ADAM17: variants seen among roughly 807,000 people sequenced by gnomAD.
The protein encoded by ADAM17 is ADAM metallopeptidase domain 17, also known as disintegrin and metalloproteinase domain-containing protein 17.
In ADAM17, 39 loss-of-function variants were observed where a neutral mutation model predicts 96.7. That is an observed-to-expected ratio of 0.40 (90% CI 0.31 to 0.53). The LOEUF is 0.53. Among genes scored for constraint, ADAM17 ranks in the 20% least tolerant of loss-of-function variants. The pLI, the probability that ADAM17 is intolerant of heterozygous loss-of-function variation, is 0.44. For synonymous variants in ADAM17, 344 were observed against 359.2 expected, an observed-to-expected ratio of 0.96 and a Z score of 0.48; for missense variants, 777 against 1,013.2, an observed-to-expected ratio of 0.77 and a Z score of 3.17.
chr2:9,490,005 AAGG>A lies in ADAM17; in HGVS notation c.*169_*171del, dbSNP rs1661981812. 1 of 582,188 alleles carries A rather than the reference AAGG, an allele frequency of 1.7e-6. No individual in the cohort carries two copies. Among genetic ancestry groups the A allele is most frequent in the Non-Finnish European group, 2.9e-6 (1 of 347,022 alleles). 36.1% of individuals were successfully genotyped at this position (582,188 alleles called of 1,614,324 possible). A position where few individuals can be genotyped will look rare whatever the true frequency, so the allele number is the denominator to read the frequency against. On this transcript the variant is annotated 3_prime_UTR_variant, in exon 19 of 19. Coordinates refer to ENST00000310823, the MANE Select transcript of ADAM17 (RefSeq NM_003183.6). ...ATTCACCTTCACCTTACCTTTTCAA[AAGG>A]AGAAGGGCCAAACCACACAAGAACT...
chr2:9,543,003 A>G, intron 2 of ADAM17, 150 bp downstream of exon 2: 1 of 1,048,608 alleles, frequency 9.5e-7, no homozygotes, highest in Non-Finnish European at 1.3e-6. Context: ...CAGCCCCAGT[A>G]TGAATTTTAG....
chr2:9,524,030 C>T (rs1481451079), intron 6 of ADAM17, among the ~76,000 whole-genome samples: 4 of 150,362 alleles, frequency 2.7e-5, no homozygotes, highest in Admixed American at 1.3e-4. Flanking sequence ...CACACACCAC[C>T]ATGCCGGGCT....
intron 10 of ADAM17, 132 bp downstream of exon 10, chr2:9,517,769 A>G (rs1321778321): frequency 5.1e-6 from 3 of 587,344 alleles, no homozygotes; most frequent in African/African-American, 1.9e-5. Context: ...AAAAATACAT[A>G]AATTTTATTT....
intron 12 of ADAM17, among the ~76,000 whole-genome samples, chr2:9,504,577 C>T (rs578187827): frequency 6.6e-6 from 1 of 152,076 alleles, no homozygotes; most frequent in East Asian, 1.9e-4. Flanking sequence ...CCATCCTGGC[C>T]ACCGTAGTGA....
chr2:9,545,915 G>A (rs909762081), intron 1 of ADAM17, among the ~76,000 whole-genome samples: 7 of 152,018 alleles, frequency 4.6e-5, no homozygotes, highest in African/African-American at 1.7e-4. Context: ...GCAAAATAGT[G>A]AGACCCTCAT....
intron 7 of ADAM17, 120 bp from the exon 8 acceptor site, chr2:9,521,436 C>T (rs1664304874): frequency 3.1e-6 from 2 of 654,200 alleles, no homozygotes; most frequent in African/African-American, 1.9e-5. Flanking sequence ...ATTTTAAAAC[C>T]AAAATTCATA....
intron 17 of ADAM17, among the ~76,000 whole-genome samples, chr2:9,491,575 C>T (rs930064644): frequency 7.2e-6 from 1 of 139,136 alleles, no homozygotes; most frequent in Non-Finnish European, 1.6e-5. Context: ...TTCGCACTGC[C>T]CCGGCCCATG....
intron 4 of ADAM17, among the ~76,000 whole-genome samples, chr2:9,530,477 T>C (rs1664696211): frequency 6.6e-6 from 1 of 152,246 alleles, no homozygotes; most frequent in African/African-American, 2.4e-5. Flanking sequence ...TCTAGTTTTA[T>C]ATTAACATTT....
At chr2:9,549,394 T>C (rs1665514403) in intron 1 of ADAM17, among the ~76,000 whole-genome samples, 1 of 152,030 alleles carries the variant, frequency 6.6e-6, no homozygotes, top group African/African-American at 2.4e-5. Flanking sequence ...CAAACAAAAA[T>C]TATGTATATA....
chr2:9,503,448 C>T (rs2124994558), intron 12 of ADAM17, among the ~76,000 whole-genome samples: 1 of 152,344 alleles, frequency 6.6e-6, no homozygotes, highest in Non-Finnish European at 1.5e-5. Flanking sequence ...CCAAGACTGT[C>T]ATTTTGATTG....
At chr2:9,528,289 C>A (rs1354092194) in intron 4 of ADAM17, among the ~76,000 whole-genome samples, 2 of 152,190 alleles carry the variant, frequency 1.3e-5, no homozygotes, top group African/African-American at 4.8e-5. Context: ...GTAATATCTA[C>A]TGTACACTGG....
chr2:9,548,482 TAA>T (rs754054511), intron 1 of ADAM17, among the ~76,000 whole-genome samples: 30 of 138,540 alleles, frequency 2.2e-4, no homozygotes, highest in Admixed American at 2.2e-4. Context: ...TCACTGTGAT[TAA>T]AAAAAAAAAA....
intron 12 of ADAM17, among the ~76,000 whole-genome samples, chr2:9,504,931 T>C (rs1663292910): frequency 6.6e-6 from 1 of 152,202 alleles, no homozygotes; most frequent in South Asian, 2.1e-4. Flanking sequence ...TTGCCCAGGC[T>C]GTTCTCAAGC....
In ADAM17 at chr2:9,490,359, C is replaced by G. The variant is rs780815372; in HGVS notation, c.2293G>C (p.Asp765His). 9 of 1,614,022 alleles carry G rather than the reference C, an allele frequency of 5.6e-6. No individual in the cohort carries two copies. Among genetic ancestry groups the G allele is most frequent in the Non-Finnish European group, 7.6e-6 (9 of 1,180,044 alleles). The change falls in exon 19 of 19, where the codon GAC becomes CAC. Residue 765 changes from aspartate (D) to histidine (H), a missense_variant. By Grantham distance (81) the Asp-to-His change is moderately conservative. Around this residue, in one of 3 missense-constraint regions of ADAM17, gnomAD observed 197 missense variants for 219.4 expected, o/e 0.90. Transcript: ENST00000310823. Reference protein sequence around the residue: ...DHQRMDTIQEDPSTDSHMDED... With the variant: ...DHQRMDTIQEHPSTDSHMDED... ...TCCATATGTGAGTCTGTGCTGGGGT[C>G]TTCCTGGATGGTGTCCATTCTCTGG...
rs1664384427 is a variant in ADAM17 at position 9,523,307 on chromosome 2, T to C, written c.785A>G (p.Tyr262Cys). 4 of 1,613,130 alleles carry C rather than the reference T, an allele frequency of 2.5e-6. No homozygotes were observed. The highest frequency in any genetic ancestry group is 2.5e-6 in the Non-Finnish European group (3 of 1,179,500). ...TGCATTATCCCATGAAGTGTTCCGATAGATGTCATCAACTCTGTCAATTAG... is the reference window on the plus strand; with the variant it reads ...TGCATTATCCCATGAAGTGTTCCGACAGATGTCATCAACTCTGTCAATTAG... ...IELIDRVDDI[Y>C]RNTSWDNAGF... Residue 262 changes from tyrosine to cysteine, a missense_variant, in exon 7 of 19, where the codon TAT (tyrosine) becomes TGT (cysteine). Physicochemically the swap from Tyr to Cys is radical, Grantham distance 194 (BLOSUM62 -2). Around this residue, in one of 3 missense-constraint regions of ADAM17, gnomAD observed 446 missense variants for 664.7 expected, o/e 0.67. Transcript: ENST00000310823.
rs1243964982 is a variant in ADAM17, at chr2:9,490,309, G to C, written c.2343C>G (p.Pro781=). Residue 781 remains proline, a synonymous_variant, in exon 19 of 19, where the codon CCC becomes CCG. Coordinates refer to ENST00000310823, the MANE Select transcript of ADAM17 (RefSeq NM_003183.6). ...TGGCAGCTGTGCTGCTATTTGGGAA[G>C]GGGTCCTTCTCAAACCCATCCTCGT... ...HMDEDGFEKD[P]FPNSSTAAKS... 6.2e-7 allele frequency: 1 copy of C among 1,614,188 alleles called. No individual in the cohort carries two copies. Among genetic ancestry groups the C allele is most frequent in the Admixed American group, 1.7e-5 (1 of 60,010 alleles).
chr2:9,555,386 C>T, intron 1 of ADAM17, 123 bp downstream of exon 1: 1 of 794,536 alleles, frequency 1.3e-6, no homozygotes, highest in Non-Finnish European at 1.9e-6. Flanking sequence ...ACACTGAAAA[C>T]TTAGGGACGC....
intron 8 of ADAM17, among the ~76,000 whole-genome samples, chr2:9,519,717 T>C (rs986881813): frequency 1.3e-5 from 2 of 152,048 alleles, no homozygotes; most frequent in Non-Finnish European, 2.9e-5. Flanking sequence ...GATCAGAATA[T>C]ACACACACAC....
At chr2:9,496,805 C>T (rs1295891415) in intron 14 of ADAM17, among the ~76,000 whole-genome samples, 1 of 152,152 alleles carries the variant, frequency 6.6e-6, no homozygotes, top group Non-Finnish European at 1.5e-5. Context: ...CAGAGGAAGG[C>T]TAGGACACAC....
Sources: allele counts gnomAD v4.1 joint callset (sites outside exome capture counted in the v4.1 genomes callset), GRCh38; gene constraint gnomAD v4.1.1; regional missense constraint gnomAD v4.1.1; transcripts MANE v1.5; gene names NCBI Gene and HGNC (gene_info 2026-07-23, HGNC 2026-07-21).